The following HS6ST3 variants were observed in gnomAD, a reference collection of about 807,000 sequenced individuals.
HS6ST3 encodes heparan-sulfate 6-O-sulfotransferase 3.
In HS6ST3, 12 loss-of-function variants were observed where a neutral mutation model predicts 36.7. That is an observed-to-expected ratio of 0.33 (90% CI 0.21 to 0.53). The LOEUF (loss-of-function observed/expected upper bound fraction) is 0.53. HS6ST3 is among the 20% of genes least tolerant of loss of function. The pLI, the probability that HS6ST3 is intolerant of heterozygous loss-of-function variation, is 0.95. For synonymous variants in HS6ST3, 240 were observed against 257.5 expected (o/e 0.93, Z 0.65); for missense variants, 584 against 640.9 (o/e 0.91, Z 0.96).
chr13:96,296,770 T>C (rs2054856952), intron 1 of HS6ST3, among the ~76,000 whole-genome samples: 1 of 152,142 alleles, frequency 6.6e-6, no homozygotes, highest in East Asian at 1.9e-4. Flanking sequence ...AAAATGTCTT[T>C]TAAACCTTTA....
chr13:96,334,209 G>A (rs886079995), intron 1 of HS6ST3, among the ~76,000 whole-genome samples: 1 of 152,196 alleles, frequency 6.6e-6, no homozygotes, highest in African/African-American at 2.4e-5. Context: ...CAAGTCTCGT[G>A]TTGAATTGTA....
chr13:96,276,941 G>A (rs1483663661), intron 1 of HS6ST3, among the ~76,000 whole-genome samples: 1 of 152,144 alleles, frequency 6.6e-6, no homozygotes, highest in Non-Finnish European at 1.5e-5. Context: ...CAGTTCTGGA[G>A]GCTAGAACTC....
chr13:96,588,753 A>T (rs1392528475), intron 1 of HS6ST3, among the ~76,000 whole-genome samples: 1 of 151,848 alleles, frequency 6.6e-6, no homozygotes, highest in African/African-American at 2.4e-5. Context: ...ATTTTTTTTT[A>T]AAGTGTTTCC....
intron 1 of HS6ST3, among the ~76,000 whole-genome samples, chr13:96,684,412 C>T (rs1377760342): frequency 6.6e-6 from 1 of 152,012 alleles, no homozygotes; most frequent in Admixed American, 6.6e-5. Flanking sequence ...CACCATCCAA[C>T]ACTTTTGAAA....
At chr13:96,832,230 A>T (rs1878815087) in intron 1 of HS6ST3, among the ~76,000 whole-genome samples, 1 of 152,190 alleles carries the variant, frequency 6.6e-6, no homozygotes, top group Admixed American at 6.5e-5. Flanking sequence ...GAATGAATGA[A>T]CTATCTATTC....
chr13:96,108,596 C>T (rs1016430930), intron 1 of HS6ST3, among the ~76,000 whole-genome samples: 4 of 152,102 alleles, frequency 2.6e-5, no homozygotes, highest in African/African-American at 9.7e-5. Flanking sequence ...GATGTCTTCC[C>T]CGGACACCCA....
In HS6ST3 at chr13:96,120,081, G is replaced by A. The variant is rs548349553; in HGVS notation, c.707+28512G>A. 5.3e-5 allele frequency among the ~76,000 whole-genome samples: 8 copies of A among 152,278 alleles called. No individual in the cohort carries two copies. The South Asian group carries it at 8.3e-4, about 16-fold the overall frequency. ...AGGCCCCTAATTCAATATAACTGGC[G>A]TCCTTCTAAGAAGAGAGAGACACAG... On this transcript the variant is annotated intron_variant, in intron 1 of 1. Transcript: ENST00000376705.
At chr13:96,151,721 A>G (rs1419329829) in intron 1 of HS6ST3, among the ~76,000 whole-genome samples, 4 of 152,188 alleles carry the variant, frequency 2.6e-5, no homozygotes, top group Non-Finnish European at 5.9e-5. Context: ...CGTGTATGAA[A>G]GCATCCTGCC....
At chr13:96,442,262 T>C (rs2055675396) in intron 1 of HS6ST3, among the ~76,000 whole-genome samples, 1 of 152,158 alleles carries the variant, frequency 6.6e-6, no homozygotes, top group African/African-American at 2.4e-5. Context: ...AATCCATCCA[T>C]CTTGGCTTCC....
chr13:96,384,927 C>T (rs902893937), intron 1 of HS6ST3, among the ~76,000 whole-genome samples: 10 of 152,232 alleles, frequency 6.6e-5, no homozygotes, highest in African/African-American at 2.4e-4. Flanking sequence ...CGCCTGTAAT[C>T]CCAGCACTTT....
intron 1 of HS6ST3, among the ~76,000 whole-genome samples, chr13:96,780,164 G>C (rs1432061840): frequency 1.3e-5 from 2 of 152,194 alleles, no homozygotes; most frequent in East Asian, 3.9e-4. Flanking sequence ...ACAGGTATCA[G>C]AGACTCAGAA....
intron 1 of HS6ST3, among the ~76,000 whole-genome samples, chr13:96,366,141 A>G (rs543800190): frequency 5.3e-4 from 80 of 152,330 alleles, no homozygotes; most frequent in South Asian, 2.1e-3. Context: ...CTTTTCAGAT[A>G]TATGTAAATT....
intron 1 of HS6ST3, among the ~76,000 whole-genome samples, chr13:96,357,892 A>C (rs572917443): frequency 6.6e-6 from 1 of 152,224 alleles, no homozygotes; most frequent in Non-Finnish European, 1.5e-5. Context: ...CAAAGATAGT[A>C]TCACAGATCA....
At chr13:96,653,741 G>A (rs963035752) in intron 1 of HS6ST3, among the ~76,000 whole-genome samples, 16 of 152,122 alleles carry the variant, frequency 1.1e-4, no homozygotes, top group African/African-American at 3.9e-4. Flanking sequence ...GGATTGCTGG[G>A]TCAAATGGTA....
intron 1 of HS6ST3, among the ~76,000 whole-genome samples, chr13:96,694,307 C>T (rs1274387285): frequency 6.6e-6 from 1 of 152,068 alleles, no homozygotes; most frequent in Non-Finnish European, 1.5e-5. Context: ...GGGTAATGGC[C>T]TCCAGCTGTA....
intron 1 of HS6ST3, among the ~76,000 whole-genome samples, chr13:96,379,730 T>C (rs978064242): frequency 3.3e-5 from 5 of 152,186 alleles, no homozygotes; most frequent in African/African-American, 1.2e-4. Context: ...ATTTGGGAAG[T>C]ATAGTGTGGG....
At chr13:96,556,902 A>G (rs1179171649) in intron 1 of HS6ST3, among the ~76,000 whole-genome samples, 1 of 152,176 alleles carries the variant, frequency 6.6e-6, no homozygotes, top group East Asian at 1.9e-4. Context: ...ATGGCTCAGG[A>G]TATTTTGGCT....
chr13:96,768,081 C>T (rs118132791), intron 1 of HS6ST3, among the ~76,000 whole-genome samples: 1 of 152,254 alleles, frequency 6.6e-6, no homozygotes, highest in East Asian at 1.9e-4. Context: ...TCTTCTCATT[C>T]AGGCAGACAC....
chr13:96,191,226 C>T (rs909976694), intron 1 of HS6ST3, among the ~76,000 whole-genome samples: 1 of 152,192 alleles, frequency 6.6e-6, no homozygotes, highest in African/African-American at 2.4e-5. Flanking sequence ...GACTTGCCTG[C>T]TTCCAACCTG....
Sources: allele counts gnomAD v4.1 joint callset (sites outside exome capture counted in the v4.1 genomes callset), GRCh38; gene constraint gnomAD v4.1.1; transcripts MANE v1.5; gene names NCBI Gene and HGNC (gene_info 2026-07-23, HGNC 2026-07-21).